The following DNAH9 variants were observed in gnomAD, a reference collection of about 807,000 sequenced individuals.
DNAH9 encodes DNAH9 variant protein.
Under a neutral mutation model 471.6 loss-of-function variants are expected in DNAH9, and 345 were observed. The ratio of observed to expected loss-of-function variants is 0.73; its 90% confidence interval spans 0.67 to 0.80. The LOEUF (loss-of-function observed/expected upper bound fraction) is 0.80, where lower values mean the gene tolerates loss of function less well. Ranked by LOEUF, DNAH9 falls within the 30% of genes least tolerant of loss-of-function variation. The pLI is 0.00. For synonymous variants in DNAH9, 2,093 were observed against 2,123.6 expected, an observed-to-expected ratio of 0.99 and a Z score of 0.40; for missense variants, 5,407 against 5,609.2, an observed-to-expected ratio of 0.96 and a Z score of 1.15.
At chr17:11,907,532 C>CT (rs1295765923) in intron 61 of DNAH9, among the ~76,000 whole-genome samples, 8 of 151,708 alleles carry the variant, frequency 5.3e-5, no homozygotes, top group Non-Finnish European at 8.8e-5. Flanking sequence ...TCTGACCCCC[C>CT]CTTCCCATCA....
intron 36 of DNAH9, 71 bp from the exon 37 acceptor site, chr17:11,768,382 C>G: frequency 1.3e-6 from 2 of 1,484,570 alleles, no homozygotes; most frequent in Non-Finnish European, 9.3e-7. Context: ...TTCTATCTGA[C>G]GCCGTGGCCT....
At chr17:11,639,670 A>G (rs2073231105) in intron 9 of DNAH9, among the ~76,000 whole-genome samples, 1 of 152,224 alleles carries the variant, frequency 6.6e-6, no homozygotes, top group Non-Finnish European at 1.5e-5. Context: ...GGAGTGTTTC[A>G]ACCCTGACTG....
At chr17:11,601,236 T>C (rs2072380028) in intron 1 of DNAH9, among the ~76,000 whole-genome samples, 1 of 152,202 alleles carries the variant, frequency 6.6e-6, no homozygotes, top group Non-Finnish European at 1.5e-5. Context: ...TCTTGGTTTT[T>C]GTGAATAATG....
At chr17:11,894,043 A>G (rs928333461) in intron 58 of DNAH9, among the ~76,000 whole-genome samples, 1 of 152,124 alleles carries the variant, frequency 6.6e-6, no homozygotes, top group African/African-American at 2.4e-5. Context: ...TCCTCAGATC[A>G]TGTCATTTGT....
chr17:11,654,794 A>G (rs1242965816), intron 14 of DNAH9, among the ~76,000 whole-genome samples: 1 of 152,076 alleles, frequency 6.6e-6, no homozygotes, highest in Non-Finnish European at 1.5e-5. Flanking sequence ...TTTCATTATC[A>G]TTTTATTGAT....
intron 42 of DNAH9, among the ~76,000 whole-genome samples, chr17:11,796,349 A>G (rs948010955): frequency 6.6e-6 from 1 of 152,232 alleles, no homozygotes; most frequent in Non-Finnish European, 1.5e-5. Flanking sequence ...ATGTCTGAGC[A>G]TTTTTGTTAT....
chr17:11,919,495 A>G (rs955425852), intron 61 of DNAH9, among the ~76,000 whole-genome samples: 4 of 8,866 alleles, frequency 4.5e-4, no homozygotes, highest in African/African-American at 7.4e-4. Context: ...ACTCCGTCTC[A>G]AAAAAAAAAG....
At chr17:11,844,596 G>A (rs183163810) in intron 49 of DNAH9, among the ~76,000 whole-genome samples, 40 of 152,130 alleles carry the variant, frequency 2.6e-4, no homozygotes, top group Non-Finnish European at 1.3e-4. Flanking sequence ...TAGTAGAGAC[G>A]GAGTTTCACC....
chr17:11,616,890 A>G (rs947591778), intron 4 of DNAH9, among the ~76,000 whole-genome samples: 2 of 152,184 alleles, frequency 1.3e-5, no homozygotes, highest in African/African-American at 4.8e-5. Context: ...AGCCACCACC[A>G]TTTATCAAAC....
At position 11,962,262 on chromosome 17, in the gene DNAH9, G is replaced by A; in HGVS notation, c.13233+6G>A. 1 of 1,583,904 alleles carries A rather than the reference G, an allele frequency of 6.3e-7. No individual in the cohort carries two copies. The highest frequency in any genetic ancestry group is 1.4e-5 in the African/African-American group (1 of 74,028). ...GTGCCTGCTGGGACACACAGGTAAA[G>A]CTTGGAATGAACCAAAGGGCAGCTT... On this transcript the variant is annotated splice_donor_region_variant and intron_variant, in intron 68 of 68. Transcript: ENST00000262442. The surrounding 1 kb of genome is among the most constrained non-coding windows in gnomAD (Gnocchi z 4.1).
At chr17:11,861,757 T>G (rs1971857175) in intron 50 of DNAH9, among the ~76,000 whole-genome samples, 2 of 151,744 alleles carry the variant, frequency 1.3e-5, no homozygotes, top group Non-Finnish European at 2.9e-5. Context: ...GTTTTGATTT[T>G]CATTTCTCTG....
chr17:11,883,696 G>A lies in DNAH9; in HGVS notation c.10917G>A (p.Val3639=), dbSNP rs145691202. 1.2e-6 allele frequency: 2 copies of A among 1,614,140 alleles called. No homozygotes were observed. The highest frequency in any genetic ancestry group is 1.3e-5 in the African/African-American group (1 of 75,042). Residue 3639 remains valine, a synonymous_variant, in exon 56 of 69, where the codon GTG becomes GTA. Coordinates refer to ENST00000262442, the MANE Select transcript of DNAH9 (RefSeq NM_001372.4). ...CTGGGAACTTCCTGGGAGAAACAGT[G>A]CTGGTGGAAAACCTAGAGATCACCA... ...SASGNFLGET[V]LVENLEITKQ... is the part of the protein sequence containing the mutation.
intron 36 of DNAH9, among the ~76,000 whole-genome samples, chr17:11,765,472 C>T (rs1218709495): frequency 1.3e-5 from 2 of 152,178 alleles, no homozygotes; most frequent in South Asian, 2.1e-4. Flanking sequence ...TTTTCAAGGG[C>T]CCTGGCTGTT....
At chr17:11,963,938 A>G (rs1474301861) in intron 68 of DNAH9, among the ~76,000 whole-genome samples, 1 of 152,196 alleles carries the variant, frequency 6.6e-6, no homozygotes, top group African/African-American at 2.4e-5. Flanking sequence ...AATTCCAGGG[A>G]TTACCAGCAA....
intron 67 of DNAH9, among the ~76,000 whole-genome samples, chr17:11,961,300 G>A (rs1188610142): frequency 6.6e-6 from 1 of 152,184 alleles, no homozygotes; most frequent in African/African-American, 2.4e-5. Flanking sequence ...GGGCAATAGA[G>A]TGAGACTCCG....
Position 11,719,450 on chromosome 17 carries a change from T to C in DNAH9, c.5669T>C (p.Leu1890Pro), listed in dbSNP as rs1567747208. The part of the protein sequence containing the change: ...TKDLGRALGI[L>P]VYVFNCSEQM... ...GACCTGGGCCGCGCACTGGGCATCC[T>C]GGTCTATGTGTTCAACTGCTCGGAG... Residue 1890 changes from leucine to proline, a missense_variant, in exon 27 of 69, where the codon CTG becomes CCG. Physicochemically the swap from Leu to Pro is moderately conservative, Grantham distance 98. Transcript: ENST00000262442. 1.9e-6 allele frequency: 3 copies of C among 1,613,718 alleles called. No individual in the cohort carries two copies. The highest frequency in any genetic ancestry group is 2.5e-6 in the Non-Finnish European group (3 of 1,179,926).
intron 14 of DNAH9, among the ~76,000 whole-genome samples, chr17:11,656,478 G>A (rs2073651679): frequency 6.6e-6 from 1 of 152,102 alleles, no homozygotes; most frequent in African/African-American, 2.4e-5. Flanking sequence ...AACTGTCTAT[G>A]TCACTAATTA....
At chr17:11,860,449 G>A (rs1037983194) in intron 50 of DNAH9, among the ~76,000 whole-genome samples, 3 of 152,088 alleles carry the variant, frequency 2.0e-5, no homozygotes, top group Non-Finnish European at 2.9e-5. Flanking sequence ...AAATGTCTTC[G>A]TTTTATTCGT....
At chr17:11,693,228 T>TA (rs2074365363) in intron 20 of DNAH9, among the ~76,000 whole-genome samples, 1 of 140,590 alleles carries the variant, frequency 7.1e-6, no homozygotes, top group Non-Finnish European at 1.5e-5. Context: ...TTGCTACTTT[T>TA]AAAATGCCCT....
Sources: gnomAD v4.1 joint callset for allele counts (sites outside exome capture counted in the v4.1 genomes callset) on GRCh38, gnomAD v4.1.1 for gene constraint, Gnocchi (gnomAD v3.1) non-coding constraint, MANE v1.5 for transcripts, NCBI Gene and HGNC (gene_info 2026-07-23, HGNC 2026-07-21) for gene names.